The following OCA2 variants were observed in gnomAD, a reference collection of about 807,000 sequenced individuals.
OCA2 encodes the protein OCA2 melanosomal transmembrane protein.
In OCA2, 77 loss-of-function variants were observed where a neutral mutation model predicts 100.2. The observed-to-expected ratio is 0.77, with a 90% CI of 0.64 to 0.93. OCA2 has a LOEUF of 0.93. Among genes scored for constraint, OCA2 ranks in the 40% least tolerant of loss-of-function variants. The pLI, the probability that OCA2 is intolerant of heterozygous loss-of-function variation, is 0.00. For missense variants in OCA2, 1,062 were observed against 1,089.1 expected, an observed-to-expected ratio of 0.98 and a Z score of 0.35; for synonymous variants, 432 against 439.2, an observed-to-expected ratio of 0.98 and a Z score of 0.21.
At chr15:27,863,527 C>T (rs936028572) in intron 21 of OCA2, among the ~76,000 whole-genome samples, 2 of 152,154 alleles carry the variant, frequency 1.3e-5, no homozygotes, top group African/African-American at 4.8e-5. Context: ...CATCTGAGAC[C>T]CTGACCTGTT....
intron 16 of OCA2, among the ~76,000 whole-genome samples, chr15:27,956,455 G>C (rs2040225653): frequency 6.6e-6 from 1 of 152,208 alleles, no homozygotes; most frequent in South Asian, 2.1e-4. Context: ...CCCCAGGTCT[G>C]TTTCCTCATG....
chr15:27,871,138 G>C lies in OCA2; in HGVS notation c.2244+16C>G. The C allele has an allele frequency of 6.3e-7, 1 of 1,593,522 alleles. No homozygotes were observed. The highest frequency in any genetic ancestry group is 8.6e-7 in the Non-Finnish European group (1 of 1,161,172). On this transcript the variant is annotated intron_variant, in intron 21 of 23. Transcript: ENST00000354638. Reference sequence around the variant, plus strand: ...AGGCTAAAGTTGAGCCGTCGACATGGACATGTGCAACTCACCATGGTAGCA... The same window carrying C: ...AGGCTAAAGTTGAGCCGTCGACATGCACATGTGCAACTCACCATGGTAGCA...
At chr15:27,977,739 G>A (rs1479215021) in intron 14 of OCA2, among the ~76,000 whole-genome samples, 1 of 152,226 alleles carries the variant, frequency 6.6e-6, no homozygotes, top group Non-Finnish European at 1.5e-5. Flanking sequence ...ATAGGGCTTA[G>A]ATGAGGTCAT....
chr15:28,038,190 A>T (rs1182144346), intron 2 of OCA2, among the ~76,000 whole-genome samples: 1 of 152,210 alleles, frequency 6.6e-6, no homozygotes, highest in Non-Finnish European at 1.5e-5. Context: ...AAAGCAAACT[A>T]GCAGGCAGTG....
At chr15:27,942,375 T>G (rs1289978901) in intron 18 of OCA2, among the ~76,000 whole-genome samples, 1 of 151,918 alleles carries the variant, frequency 6.6e-6, no homozygotes, top group Admixed American at 6.6e-5. Flanking sequence ...TTGAAAATGT[T>G]ATGCTAAGTG....
intron 21 of OCA2, among the ~76,000 whole-genome samples, chr15:27,861,817 A>C (rs992084235): frequency 6.6e-6 from 1 of 151,954 alleles, no homozygotes; most frequent in Non-Finnish European, 1.5e-5. Context: ...GAGTGGCGGG[A>C]AGGCCTGGAG....
chr15:27,739,017 T>C, the OCA2 span, among the ~76,000 whole-genome samples: 9 of 152,246 alleles, frequency 5.9e-5, no homozygotes, highest in African/African-American at 1.9e-4. Flanking sequence ...CAGAGACCAG[T>C]GTGTCTGAGG....
At chr15:28,016,015 G>A (rs911710027) in intron 8 of OCA2, 89 bp downstream of exon 8, 8 of 985,314 alleles carry the variant, frequency 8.1e-6, no homozygotes, top group Admixed American at 1.7e-5. Context: ...GTGCTGTGTG[G>A]GCCGAAATCA....
At chr15:27,882,443 C>G (rs1048123419) in intron 19 of OCA2, among the ~76,000 whole-genome samples, 1 of 152,188 alleles carries the variant, frequency 6.6e-6, no homozygotes, top group African/African-American at 2.4e-5. Context: ...GAACTCCCAA[C>G]CTTTCATTCA....
rs114345439 is a variant in OCA2 at position 27,933,458 on chromosome 15, G to A, written c.1952-7204C>T. On this transcript the variant is annotated intron_variant, in intron 18 of 23. Coordinates refer to ENST00000354638, the MANE Select transcript of OCA2 (RefSeq NM_000275.3). ...GAAATGTTTTGGAGATAACGGTAAT[G>A]GTGATTGTCACGCGTGTCCGTATGA... Among the ~76,000 whole-genome samples, 372 of 152,304 alleles carry A rather than the reference G, an allele frequency of 2.4e-3. 3 individuals carry two copies. The highest frequency in any genetic ancestry group is 8.5e-3 in the African/African-American group (353 of 41,548).
intron 23 of OCA2, among the ~76,000 whole-genome samples, chr15:27,806,943 C>G (rs1272655263): frequency 6.6e-6 from 1 of 152,200 alleles, no homozygotes; most frequent in African/African-American, 2.4e-5. Context: ...CATGGCATGG[C>G]CTGAGCCAGA....
At chr15:27,879,291 T>C (rs112638951) in intron 19 of OCA2, among the ~76,000 whole-genome samples, 2,372 of 152,314 alleles carry the variant, frequency 0.016, 56 homozygotes, top group African/African-American at 0.05. Flanking sequence ...GTCTTTGCTA[T>C]TGTGAATAGT....
At chr15:28,063,448 A>AT (rs951456918) in intron 2 of OCA2, among the ~76,000 whole-genome samples, 2 of 151,830 alleles carry the variant, frequency 1.3e-5, no homozygotes, top group Non-Finnish European at 2.9e-5. Context: ...CTACTTTGGT[A>AT]TTTTTTTCTA....
chr15:27,792,263 T>C (rs2033120625), intron 23 of OCA2, among the ~76,000 whole-genome samples: 1 of 152,196 alleles, frequency 6.6e-6, no homozygotes, highest in Non-Finnish European at 1.5e-5. Flanking sequence ...GTGTGCCTTC[T>C]TCCTTCCTTC....
At chr15:27,983,979 T>G (rs2041256651) in intron 13 of OCA2, among the ~76,000 whole-genome samples, 3 of 150,464 alleles carry the variant, frequency 2.0e-5, no homozygotes, top group African/African-American at 7.4e-5. Flanking sequence ...TGTATTGCTA[T>G]AAAACATACT....
intron 21 of OCA2, among the ~76,000 whole-genome samples, chr15:27,859,738 T>C (rs1050912178): frequency 6.6e-6 from 1 of 152,166 alleles, no homozygotes; most frequent in Non-Finnish European, 1.5e-5. Flanking sequence ...TACAGATCAA[T>C]GTTCCTGATG....
At chr15:27,783,358 G>A (rs1205582132) in intron 23 of OCA2, among the ~76,000 whole-genome samples, 1 of 152,168 alleles carries the variant, frequency 6.6e-6, no homozygotes, top group Non-Finnish European at 1.5e-5. Flanking sequence ...CTCCTATCTT[G>A]CTAATTCAAA....
downstream of OCA2, among the ~76,000 whole-genome samples, chr15:27,753,257 C>A (rs1315636360): frequency 6.6e-6 from 1 of 151,650 alleles, no homozygotes; most frequent in Non-Finnish European, 1.5e-5. Flanking sequence ...CAGAGAAAGA[C>A]CACAGAGATG....
At chr15:27,967,027 G>A (rs2040592939) in intron 14 of OCA2, among the ~76,000 whole-genome samples, 1 of 152,224 alleles carries the variant, frequency 6.6e-6, no homozygotes, top group Admixed American at 6.5e-5. Context: ...CTACTCGGGA[G>A]GCTGAGGCAG....
Sources: allele counts gnomAD v4.1 joint callset (sites outside exome capture counted in the v4.1 genomes callset), GRCh38; gene constraint gnomAD v4.1.1; transcripts MANE v1.5; gene names NCBI Gene and HGNC (gene_info 2026-07-23, HGNC 2026-07-21).